PTPRG: variants seen among roughly 807,000 people sequenced by gnomAD.
PTPRG encodes the protein receptor-type tyrosine-protein phosphatase gamma.
A neutral mutation model predicts 165.3 loss-of-function variants in PTPRG; 102 were observed. The ratio of observed to expected loss-of-function variants is 0.62; its 90% CI spans 0.53 to 0.73. The LOEUF (loss-of-function observed/expected upper bound fraction) is 0.73. Among genes scored for constraint, PTPRG ranks in the 30% least tolerant of loss-of-function variants. The probability of loss-of-function intolerance (pLI) is 0.00; values close to 1 mark genes in which losing one functional copy is unlikely to be tolerated. For missense variants in PTPRG, 1,866 were observed against 1,861.4 expected, an observed-to-expected ratio of 1.00 and a Z score of -0.05; for synonymous variants, 675 against 669.5, an observed-to-expected ratio of 1.01 and a Z score of -0.13.
chr3:61,665,469 T>TACACACACACACACACAC (rs10662394), intron 1 of PTPRG, among the ~76,000 whole-genome samples: 16 of 144,026 alleles, frequency 1.1e-4, no homozygotes, highest in African/African-American at 3.1e-4. Flanking sequence ...TGTAAATAAA[T>TACACACACACACACACAC]ACACACACAC....
At chr3:61,596,198 A>T (rs1004989619) in intron 1 of PTPRG, among the ~76,000 whole-genome samples, 2 of 152,202 alleles carry the variant, frequency 1.3e-5, no homozygotes, top group African/African-American at 4.8e-5. Context: ...TAGAAATTTT[A>T]TCGTTGTCAC....
At chr3:62,143,308 T>C (rs192845357) in intron 6 of PTPRG, among the ~76,000 whole-genome samples, 52 of 152,258 alleles carry the variant, frequency 3.4e-4, no homozygotes, top group Admixed American at 3.2e-3. Flanking sequence ...GAGGACAAAT[T>C]CTAGAACAAG....
chr3:61,797,315 T>G (rs919985673), intron 2 of PTPRG, among the ~76,000 whole-genome samples: 6 of 152,222 alleles, frequency 3.9e-5, no homozygotes, highest in African/African-American at 1.2e-4. Flanking sequence ...TTGTTGGATT[T>G]TTTTCCCCCA....
At chr3:61,669,358 G>T (rs1242254099) in intron 1 of PTPRG, among the ~76,000 whole-genome samples, 1 of 151,222 alleles carries the variant, frequency 6.6e-6, no homozygotes, top group African/African-American at 2.4e-5. Flanking sequence ...TAATGTGCTT[G>T]GATGCTGGTA....
chr3:61,724,217 CAAA>C (rs1260061643), intron 1 of PTPRG, among the ~76,000 whole-genome samples: 1 of 128,756 alleles, frequency 7.8e-6, no homozygotes, highest in African/African-American at 3.1e-5. Context: ...CTCCCATCTC[CAAA>C]AAAAAAAAAA....
At chr3:61,601,762 G>A (rs1050552984) in intron 1 of PTPRG, among the ~76,000 whole-genome samples, 6 of 152,314 alleles carry the variant, frequency 3.9e-5, no homozygotes, top group Middle Eastern at 3.4e-3. Flanking sequence ...AAGGTGACAT[G>A]TGTCAGTAAA....
intron 1 of PTPRG, among the ~76,000 whole-genome samples, chr3:61,630,707 T>A (rs1701750440): frequency 6.6e-6 from 1 of 152,138 alleles, no homozygotes; most frequent in Non-Finnish European, 1.5e-5. Flanking sequence ...AAAGAAATAT[T>A]CGCACACTTG....
At chr3:62,133,779 G>A (rs1703604281) in intron 6 of PTPRG, among the ~76,000 whole-genome samples, 1 of 152,156 alleles carries the variant, frequency 6.6e-6, no homozygotes, top group Admixed American at 6.5e-5. Flanking sequence ...GAAGTCGAGA[G>A]TTTGAGACCA....
At chr3:62,027,350 T>C (rs1415125190) in intron 4 of PTPRG, among the ~76,000 whole-genome samples, 1 of 152,110 alleles carries the variant, frequency 6.6e-6, no homozygotes, top group Admixed American at 6.5e-5. Flanking sequence ...CCAGTCCCTA[T>C]ACTTTATTCT....
chr3:62,130,492 C>T lies in PTPRG; in HGVS notation c.616-2110C>T, dbSNP rs568074303. ...TAACAGGGATAGAGGGAATTTGTGG[C>T]CATTTTGTCATTTCTCACAGATATT... is the stretch of plus-strand genomic sequence containing the variant. On this transcript the variant is annotated intron_variant, in intron 5 of 29. Coordinates refer to ENST00000474889, the MANE Select transcript of PTPRG (RefSeq NM_002841.4). 2.0e-5 allele frequency among the ~76,000 whole-genome samples: 3 copies of T among 152,236 alleles called. 1 individual carries two copies. The highest frequency in any genetic ancestry group is 6.5e-5 in the Admixed American group (1 of 15,290).
chr3:62,019,672 A>T (rs920435979), intron 4 of PTPRG, among the ~76,000 whole-genome samples: 6 of 152,182 alleles, frequency 3.9e-5, no homozygotes, highest in Admixed American at 3.9e-4. Context: ...CACAAATGGT[A>T]AGTACGGGAG....
In PTPRG at chr3:61,680,737, A is replaced by G. The variant is rs889485578; in HGVS notation, c.86-68141A>G. ...TTTCCTAGAGCTGTTTCTGGTTATC[A>G]GGTGTGGTACAGGTTGCAGGGAGGT... is the stretch of plus-strand genomic sequence containing the variant. On this transcript the variant is annotated intron_variant, in intron 1 of 29. Transcript: ENST00000474889. 2.3e-5 allele frequency among the ~76,000 whole-genome samples: 3 copies of G among 131,872 alleles called. 1 individual carries two copies. The highest frequency in any genetic ancestry group is 1.8e-5 in the Non-Finnish European group (1 of 56,614). 86.5% of individuals were successfully genotyped at this position (131,872 alleles called of 152,430 possible). A position where few individuals can be genotyped will look rare whatever the true frequency, so the allele number is the denominator to read the frequency against.
intron 10 of PTPRG, among the ~76,000 whole-genome samples, 192 bp from the exon 11 acceptor site, chr3:62,201,313 G>A (rs1700091140): frequency 6.6e-6 from 1 of 152,118 alleles, no homozygotes; most frequent in Non-Finnish European, 1.5e-5. Flanking sequence ...ACCAAATCTA[G>A]CTCTCCGCAT....
intron 2 of PTPRG, among the ~76,000 whole-genome samples, chr3:61,919,151 G>A (rs1331464356): frequency 6.6e-6 from 1 of 152,182 alleles, no homozygotes; most frequent in Admixed American, 6.5e-5. Context: ...TGCTTGGTAA[G>A]CATTGCTTTT....
chr3:61,994,086 A>G (rs2040961950), intron 3 of PTPRG, among the ~76,000 whole-genome samples: 1 of 152,208 alleles, frequency 6.6e-6, no homozygotes, highest in South Asian at 2.1e-4. Flanking sequence ...GTAACTATCT[A>G]TTGTGCCAGT....
chr3:61,838,745 C>T (rs1028295913), intron 2 of PTPRG, among the ~76,000 whole-genome samples: 1 of 152,170 alleles, frequency 6.6e-6, no homozygotes, highest in African/African-American at 2.4e-5. Context: ...GGTATTCTTA[C>T]CACTCTCCCT....
chr3:61,639,980 C>T (rs1217841500), intron 1 of PTPRG, among the ~76,000 whole-genome samples: 1 of 152,146 alleles, frequency 6.6e-6, no homozygotes. Flanking sequence ...TTTTCCTATT[C>T]TGTTTTTCAT....
chr3:62,036,578 C>T (rs1459876255), intron 4 of PTPRG, among the ~76,000 whole-genome samples: 2 of 152,192 alleles, frequency 1.3e-5, no homozygotes, highest in East Asian at 3.9e-4. Context: ...TTTAGGCATG[C>T]TTTTGCCTCA....
At chr3:62,289,709 CA>C (rs545892383) in intron 28 of PTPRG, among the ~76,000 whole-genome samples, 4 of 122,666 alleles carry the variant, frequency 3.3e-5, no homozygotes, top group South Asian at 2.9e-4. Context: ...CCCCCCCCCC[CA>C]AAAAAAACAC....
Sources: allele counts gnomAD v4.1 joint callset (sites outside exome capture counted in the v4.1 genomes callset), GRCh38; gene constraint gnomAD v4.1.1; transcripts MANE v1.5; gene names NCBI Gene and HGNC (gene_info 2026-07-23, HGNC 2026-07-21).